The following FADS3 variants were observed in gnomAD, a reference collection of about 807,000 sequenced individuals.
FADS3 encodes fatty acid desaturase 3, also known as cytochrome b5-related protein.
A neutral mutation model predicts 60.4 loss-of-function variants in FADS3; 30 were observed. The ratio of observed to expected loss-of-function variants is 0.50; its 90% confidence interval spans 0.37 to 0.67. FADS3 has a LOEUF of 0.67. Ranked by LOEUF, FADS3 falls within the 30% of genes least tolerant of loss-of-function variation. FADS3 has a pLI of 0.00. For synonymous variants in FADS3, 234 were observed against 249.3 expected (o/e 0.94, Z 0.58); for missense variants, 432 against 598.3 (o/e 0.72, Z 2.90).
chr11:61,885,207 C>T (rs1474911407), intron 1 of FADS3, among the ~76,000 whole-genome samples: 1 of 152,150 alleles, frequency 6.6e-6, no homozygotes, highest in Non-Finnish European at 1.5e-5. Flanking sequence ...CCTGCCCAAG[C>T]CCCACCGTGA....
chr11:61,879,551 T>G (rs770200322), intron 2 of FADS3, 42 bp from the exon 3 acceptor site: 188 of 1,540,236 alleles, frequency 1.2e-4, no homozygotes, highest in Admixed American at 2.5e-4. Flanking sequence ...AAGAAATTCC[T>G]CCCCACCCCC....
intron 1 of FADS3, chr11:61,881,251 A>G (rs1177012916): frequency 6.6e-6 from 1 of 152,248 alleles, no homozygotes; most frequent in African/African-American, 2.4e-5. Flanking sequence ...AGGAGAAGGA[A>G]GAAAGAGTAA....
At chr11:61,890,933 C>G (rs1358173279) in intron 1 of FADS3, among the ~76,000 whole-genome samples, 1 of 152,242 alleles carries the variant, frequency 6.6e-6, no homozygotes, top group African/African-American at 2.4e-5. Flanking sequence ...GAGGCCCCCT[C>G]CTCCCCCGCA....
At chr11:61,891,100 G>A (rs1938490537) in intron 1 of FADS3, 69 bp downstream of exon 1, 3 of 1,315,172 alleles carry the variant, frequency 2.3e-6, no homozygotes, top group South Asian at 1.3e-5. Context: ...AGGTGGAGCG[G>A]GACATCACGC....
rs566336473 is a variant in FADS3, at chr11:61,877,724, T to C, written c.809-137A>G. 1.0e-4 allele frequency: 78 copies of C among 754,944 alleles called. 1 individual carries two copies. In the South Asian group the frequency reaches 1.3e-3, roughly 12 times the overall value. The allele number at this position is 754,944 out of a possible 1,614,324, so 46.8% of individuals were successfully genotyped here. A position where few individuals can be genotyped will look rare whatever the true frequency, so the allele number is the denominator to read the frequency against. On this transcript the variant is annotated intron_variant, in intron 6 of 11. Coordinates refer to ENST00000278829, the MANE Select transcript of FADS3 (RefSeq NM_021727.5). This position sits in a 1 kb window ranked among gnomAD's most constrained non-coding sequence, Gnocchi z 4.7. ...GGTCACATCCAGCTGAATGACCCCA[T>C]ATCACCCCCAATTCTGTGTCCAAGC...
Position 61,878,527 on chromosome 11 carries a change from C to T in FADS3, c.732G>A (p.Gly244=). The change falls in exon 5 of 12, where the codon GGG becomes GGA. Residue 244 remains glycine, a synonymous_variant. Coordinates refer to ENST00000278829, the MANE Select transcript of FADS3 (RefSeq NM_021727.5). ...CCCCACCCACCTCGACGGATGACTC[C>T]CCCAGGAGGAAGACGGGCGCCACCG... is the stretch of plus-strand genomic sequence containing the variant. ...DVTVAPVFLL[G]ESSVEYGKKK... is the part of the protein sequence containing the mutation. The T allele has an allele frequency of 6.2e-7, 1 of 1,614,102 alleles. No individual in the cohort carries two copies. Among genetic ancestry groups the T allele is most frequent in the Non-Finnish European group, 8.5e-7 (1 of 1,179,966 alleles).
chr11:61,883,024 C>T (rs1357829848), intron 1 of FADS3, among the ~76,000 whole-genome samples: 1 of 152,238 alleles, frequency 6.6e-6, no homozygotes, highest in Non-Finnish European at 1.5e-5. Flanking sequence ...GCCACCACGC[C>T]CAGCCAATTT....
chr11:61,890,887 C>G (rs1034175802), intron 1 of FADS3, among the ~76,000 whole-genome samples: 1 of 152,224 alleles, frequency 6.6e-6, no homozygotes, highest in African/African-American at 2.4e-5. Context: ...AGCCCCTCAC[C>G]CAGGGCAGGC....
chr11:61,879,274 G>A, intron 3 of FADS3, 38 bp downstream of exon 3: 7 of 1,532,022 alleles, frequency 4.6e-6, no homozygotes, highest in Non-Finnish European at 6.2e-6. Context: ...CACGTCTGTT[G>A]GGCAGTTAAG....
chr11:61,876,136 GC>G lies in FADS3; in HGVS notation c.1134del (p.His379ThrfsTer39). ...TGGTGCTCGATCTGGAAGTTGAGGT[GC>G]CCGCTGAACCAGTTGGTGAAAAGTG... ...EPSLFTNWFSGHLNFQIEHHL... is the reference protein window; with the variant it reads ...EPSLFTNWFSXHLNFQIEHHL... On this transcript the variant is annotated frameshift_variant, in exon 10 of 12. Transcript: ENST00000278829. LOFTEE classifies it high-confidence loss of function. The surrounding 1 kb of genome is among the most constrained non-coding windows in gnomAD (Gnocchi z 5.7). 6.2e-7 allele frequency: 1 copy of G among 1,610,038 alleles called. No homozygotes were observed. Among genetic ancestry groups the G allele is most frequent in the Non-Finnish European group, 8.5e-7 (1 of 1,178,478 alleles).
At chr11:61,883,482 C>T (rs1463216452) in intron 1 of FADS3, among the ~76,000 whole-genome samples, 1 of 152,236 alleles carries the variant, frequency 6.6e-6, no homozygotes, top group African/African-American at 2.4e-5. Context: ...CACCAGCCCA[C>T]ACCAGCAGGC....
rs768504201 is a variant in FADS3 at position 61,876,830 on chromosome 11, G to A, written c.983+36C>T. ...TGGGGGGCTGCAGTGGGGGTCACCT[G>A]TCGCCTGTGTGTGACCTCGCCACTC... On this transcript the variant is annotated intron_variant, in intron 8 of 11. Coordinates refer to ENST00000278829, the MANE Select transcript of FADS3 (RefSeq NM_021727.5). The surrounding 1 kb of genome is among the most constrained non-coding windows in gnomAD (Gnocchi z 5.7). The A allele has an allele frequency of 3.3e-6, 5 of 1,510,370 alleles. No individual in the cohort carries two copies. Among genetic ancestry groups the A allele is most frequent in the Non-Finnish European group, 4.5e-6 (5 of 1,101,970 alleles). 93.6% of individuals were successfully genotyped at this position (1,510,370 alleles called of 1,614,324 possible). A position where few individuals can be genotyped will look rare whatever the true frequency, so the allele number is the denominator to read the frequency against.
chr11:61,878,030 C>T lies in FADS3; in HGVS notation c.808+125G>A, dbSNP rs979938616. On this transcript the variant is annotated intron_variant, in intron 6 of 11. Coordinates refer to ENST00000278829, the MANE Select transcript of FADS3 (RefSeq NM_021727.5). ...CAGACTGCAGAGGCTGGGAGGATGC[C>T]ATGACCAGGGAGACCTGACAGACGT... 6.1e-6 allele frequency: 5 copies of T among 821,258 alleles called. No individual in the cohort carries two copies. In the Admixed American group the frequency reaches 9.2e-5, roughly 15 times the overall value. The allele number at this position is 821,258 out of a possible 1,614,324, so 50.9% of individuals were successfully genotyped here. A position where few individuals can be genotyped will look rare whatever the true frequency, so the allele number is the denominator to read the frequency against.
Position 61,877,046 on chromosome 11 carries a change from A to G in FADS3, c.886-83T>C. 2.1e-6 allele frequency: 2 copies of G among 957,384 alleles called. No individual in the cohort carries two copies. Among genetic ancestry groups the G allele is most frequent in the Non-Finnish European group, 3.1e-6 (2 of 647,366 alleles). 59.3% of individuals were successfully genotyped at this position (957,384 alleles called of 1,614,324 possible). On this transcript the variant is annotated intron_variant, in intron 7 of 11. Coordinates refer to ENST00000278829, the MANE Select transcript of FADS3 (RefSeq NM_021727.5). This position sits in a 1 kb window ranked among gnomAD's most constrained non-coding sequence, Gnocchi z 4.7. ...GCCTGGTGGGTGGGAGGAGGACCTC[A>G]GGCATCCAACCCTTCTGCCTGATTT...
At position 61,877,391 on chromosome 11, in the gene FADS3, A is replaced by G; in HGVS notation, c.885+120T>C. ...CCACACTGTTGCACGCATACATGTG[A>G]GCCACACTGTTGCACGCACATGTGC... On this transcript the variant is annotated intron_variant, in intron 7 of 11. Transcript: ENST00000278829. The surrounding 1 kb of genome is among the most constrained non-coding windows in gnomAD (Gnocchi z 4.7). 9 of 843,230 alleles carry G rather than the reference A, an allele frequency of 1.1e-5. No homozygotes were observed. Among genetic ancestry groups the G allele is most frequent in the Non-Finnish European group, 1.7e-5 (9 of 527,362 alleles). The allele number at this position is 843,230 out of a possible 1,614,324, so 52.2% of individuals were successfully genotyped here.
Position 61,876,657 on chromosome 11 carries a change from C to T in FADS3, c.984-202G>A. 1 of 655,228 alleles carries T rather than the reference C, an allele frequency of 1.5e-6. No individual in the cohort carries two copies. Among genetic ancestry groups the T allele is most frequent in the East Asian group, 2.7e-5 (1 of 36,564 alleles). 40.6% of individuals were successfully genotyped at this position (655,228 alleles called of 1,614,324 possible). A position where few individuals can be genotyped will look rare whatever the true frequency, so the allele number is the denominator to read the frequency against. ...GGCTGAGTCCAGAGCAGCTCCGACA[C>T]CCACCGGGCCACTTACAAGCCAGGC... On this transcript the variant is annotated intron_variant, in intron 8 of 11. Coordinates refer to ENST00000278829, the MANE Select transcript of FADS3 (RefSeq NM_021727.5). This position sits in a 1 kb window ranked among gnomAD's most constrained non-coding sequence, Gnocchi z 5.7.
intron 1 of FADS3, 105 bp downstream of exon 1, chr11:61,891,063 AG>A (rs981799474): frequency 1.3e-5 from 13 of 982,800 alleles, no homozygotes; most frequent in Admixed American, 4.3e-5. Context: ...AAGGTCAGCG[AG>A]GGGAGGGAGG....
chr11:61,884,805 C>T (rs575017407), intron 1 of FADS3, among the ~76,000 whole-genome samples: 1 of 152,224 alleles, frequency 6.6e-6, no homozygotes, highest in South Asian at 2.1e-4. Context: ...CGACGTCTCT[C>T]ATCGGGTACC....
rs138550703 is a variant in FADS3 at position 61,874,695 on chromosome 11, C to T, written c.1287-830G>A. Among the ~76,000 whole-genome samples the T allele has an allele frequency of 9.6e-4, 146 of 152,268 alleles. 1 individual carries two copies. Among genetic ancestry groups the T allele is most frequent in the African/African-American group, 3.2e-3 (135 of 41,540 alleles). ...GGGTCAAGTGCCCTCTGCCTGAACG[C>T]TCTTTGCCAGATGTCCCTGTGGCGA... On this transcript the variant is annotated intron_variant, in intron 11 of 11. Coordinates refer to ENST00000278829, the MANE Select transcript of FADS3 (RefSeq NM_021727.5).
Sources: gnomAD v4.1 joint callset for allele counts (sites outside exome capture counted in the v4.1 genomes callset) on GRCh38, gnomAD v4.1.1 for gene constraint, Gnocchi (gnomAD v3.1) non-coding constraint, MANE v1.5 for transcripts, NCBI Gene and HGNC (gene_info 2026-07-23, HGNC 2026-07-21) for gene names.